The following CSMD1 variants were observed in gnomAD, a reference collection of about 807,000 sequenced individuals.
CSMD1 encodes the protein CUB and sushi domain-containing protein 1.
Under a neutral mutation model 417.5 loss-of-function variants are expected in CSMD1, and 213 were observed. The ratio of observed to expected loss-of-function variants is 0.51; its 90% CI spans 0.46 to 0.57. The LOEUF (loss-of-function observed/expected upper bound fraction) is 0.57. Among genes scored for constraint, CSMD1 ranks in the 20% least tolerant of loss-of-function variants. The pLI, the probability that CSMD1 is intolerant of heterozygous loss-of-function variation, is 0.00. For synonymous variants in CSMD1, 2,862 were observed against 1,736.8 expected, an observed-to-expected ratio of 1.65 and a Z score of -16.11; for missense variants, 6,923 against 4,529.7, an observed-to-expected ratio of 1.53 and a Z score of -15.17.
chr8:3,651,513 G>C (rs563867927), intron 7 of CSMD1, among the ~76,000 whole-genome samples: 6 of 152,010 alleles, frequency 3.9e-5, no homozygotes, highest in Non-Finnish European at 8.8e-5. Flanking sequence ...AGCTGGCCTC[G>C]GTTTCTCCAG....
At chr8:3,227,878 G>C (rs1050608501) in intron 27 of CSMD1, among the ~76,000 whole-genome samples, 3 of 150,740 alleles carry the variant, frequency 2.0e-5, no homozygotes, top group Non-Finnish European at 4.4e-5. Context: ...AGTGATTCTC[G>C]TGCCTCAGCC....
intron 3 of CSMD1, among the ~76,000 whole-genome samples, chr8:4,123,344 G>C (rs1266022450): frequency 1.3e-5 from 2 of 152,234 alleles, no homozygotes; most frequent in South Asian, 2.1e-4. Context: ...AGTAGGCTCA[G>C]TGGGAGCCTC....
chr8:3,503,524 A>G (rs1499696), intron 10 of CSMD1, among the ~76,000 whole-genome samples: 107,455 of 152,158 alleles, frequency 0.71, 38,153 homozygotes, highest in East Asian at 0.88. Flanking sequence ...TTTCATGCTA[A>G]AATCTCCCAG....
At chr8:4,898,470 C>CG (rs1554514239) in intron 1 of CSMD1, among the ~76,000 whole-genome samples, 1 of 151,344 alleles carries the variant, frequency 6.6e-6, no homozygotes, top group Non-Finnish European at 1.5e-5. Context: ...AAGTGAGAGC[C>CG]GACCAAAATC....
At chr8:4,007,222 T>A (rs548692100) in intron 4 of CSMD1, among the ~76,000 whole-genome samples, 1 of 152,288 alleles carries the variant, frequency 6.6e-6, no homozygotes, top group East Asian at 1.9e-4. Flanking sequence ...TATTCAAAGC[T>A]GTGAACTACT....
chr8:4,511,028 T>C (rs999251480), intron 2 of CSMD1, among the ~76,000 whole-genome samples: 1 of 152,088 alleles, frequency 6.6e-6, no homozygotes, highest in African/African-American at 2.4e-5. Flanking sequence ...TGGCTGCCTT[T>C]TATTTTTCTC....
At chr8:4,035,868 T>A (rs1482466536) in intron 3 of CSMD1, among the ~76,000 whole-genome samples, 4 of 152,144 alleles carry the variant, frequency 2.6e-5, no homozygotes, top group African/African-American at 9.7e-5. Flanking sequence ...TCGTACATAG[T>A]CCCGTCCGAA....
intron 1 of CSMD1, among the ~76,000 whole-genome samples, chr8:4,987,708 T>C (rs1435626116): frequency 6.6e-6 from 1 of 152,178 alleles, no homozygotes; most frequent in Non-Finnish European, 1.5e-5. Flanking sequence ...AAGATTAACA[T>C]TTGAGTCAAC....
chr8:3,982,983 G>A (rs965407059), intron 5 of CSMD1, among the ~76,000 whole-genome samples: 7 of 151,962 alleles, frequency 4.6e-5, no homozygotes, highest in Non-Finnish European at 2.9e-5. Flanking sequence ...GACAAATAGG[G>A]CCCCTAGAGC....
intron 12 of CSMD1, among the ~76,000 whole-genome samples, chr8:3,458,476 A>C (rs985423053): frequency 6.6e-6 from 1 of 151,912 alleles, no homozygotes; most frequent in African/African-American, 2.4e-5. Flanking sequence ...CTTCATACAA[A>C]CTCTCCAACC....
intron 3 of CSMD1, among the ~76,000 whole-genome samples, chr8:4,151,675 G>T (rs1001904201): frequency 6.6e-6 from 1 of 152,126 alleles, no homozygotes; most frequent in African/African-American, 2.4e-5. Flanking sequence ...AACATTATAG[G>T]TGAAAAAAAT....
chr8:4,432,700 G>C (rs1392407687), intron 2 of CSMD1, among the ~76,000 whole-genome samples: 1 of 152,168 alleles, frequency 6.6e-6, no homozygotes, highest in Admixed American at 6.5e-5. Context: ...TCTCTCTCCA[G>C]AGCCTGTGCT....
chr8:4,661,695 G>A (rs1049921577), intron 1 of CSMD1, among the ~76,000 whole-genome samples: 1 of 152,146 alleles, frequency 6.6e-6, no homozygotes, highest in East Asian at 1.9e-4. Flanking sequence ...TCATGGGAAT[G>A]TAAAAAAGTC....
In CSMD1 at chr8:2,939,909, C is replaced by T. The variant is rs149012471; in HGVS notation, c.10536-1165G>A. Among the ~76,000 whole-genome samples the T allele has an allele frequency of 1.2e-3, 178 of 152,288 alleles. 1 individual carries two copies. The highest frequency in any genetic ancestry group is 4.3e-3 in the African/African-American group (178 of 41,568). Reference sequence around the variant, plus strand: ...ACTCAATCGTCCAGATCACAAGCTGCCACAGTCCCTTCATGTGTAGGGAAA... The same window carrying T: ...ACTCAATCGTCCAGATCACAAGCTGTCACAGTCCCTTCATGTGTAGGGAAA... On this transcript the variant is annotated intron_variant, in intron 69 of 69. Transcript: ENST00000635120.
intron 1 of CSMD1, among the ~76,000 whole-genome samples, chr8:4,676,423 G>C (rs1357885487): frequency 6.6e-6 from 1 of 151,990 alleles, no homozygotes; most frequent in South Asian, 2.1e-4. Context: ...CCACTTCTGG[G>C]AGCCTCTGCA....
chr8:4,058,572 G>A (rs566982610), intron 3 of CSMD1, among the ~76,000 whole-genome samples: 4 of 151,074 alleles, frequency 2.6e-5, no homozygotes, highest in Non-Finnish European at 4.4e-5. Flanking sequence ...CAACATATAG[G>A]CTCAAAATAA....
intron 10 of CSMD1, among the ~76,000 whole-genome samples, chr8:3,540,025 G>A (rs901433050): frequency 1.3e-5 from 2 of 152,156 alleles, no homozygotes; most frequent in African/African-American, 2.4e-5. Flanking sequence ...GGCTGCTTCT[G>A]TTGTGTCTGC....
intron 3 of CSMD1, among the ~76,000 whole-genome samples, chr8:4,032,788 A>AAAT (rs989486024): frequency 6.6e-6 from 1 of 152,188 alleles, no homozygotes; most frequent in Non-Finnish European, 1.5e-5. Flanking sequence ...TTTTGTAAAA[A>AAAT]AATAATAAAA....
intron 3 of CSMD1, 35 bp downstream of exon 3, chr8:4,419,918 G>A (rs914271886): frequency 1.5e-6 from 2 of 1,305,970 alleles, no homozygotes; most frequent in East Asian, 5.0e-5. Flanking sequence ...CATTTGGACA[G>A]TGAATGCATG....
Sources: gnomAD v4.1 joint callset for allele counts (sites outside exome capture counted in the v4.1 genomes callset) on GRCh38, gnomAD v4.1.1 for gene constraint, MANE v1.5 for transcripts, NCBI Gene and HGNC (gene_info 2026-07-23, HGNC 2026-07-21) for gene names.